The following ABCA7 variants were observed in gnomAD, a reference collection of about 807,000 sequenced individuals.
ABCA7 encodes ATP binding cassette subfamily A member 7.
Under a neutral mutation model 227.6 loss-of-function variants are expected in ABCA7, and 261 were observed. That is an observed-to-expected ratio of 1.15 (90% CI 1.04 to 1.27). The LOEUF (loss-of-function observed/expected upper bound fraction) is 1.27, where lower values mean the gene tolerates loss of function less well. ABCA7 is among the 50% of genes most tolerant of loss of function. The probability of loss-of-function intolerance (pLI) is 0.00; values close to 1 mark genes in which losing one functional copy is unlikely to be tolerated. For synonymous variants in ABCA7, 1,488 were observed against 1,279.7 expected, an observed-to-expected ratio of 1.16 and a Z score of -3.47; for missense variants, 3,331 against 2,924.5, an observed-to-expected ratio of 1.14 and a Z score of -3.21.
At position 1,043,182 on chromosome 19, in the gene ABCA7, T is replaced by TG; in HGVS notation, c.721_722insG (p.Tyr241Ter). Residue 241 changes from tyrosine (Y) to a stop codon, truncating the protein, a stop_gained and frameshift_variant, in exon 8 of 47, where the codon TAC (tyrosine) becomes TGAC (stop). Coordinates refer to ENST00000263094, the MANE Select transcript of ABCA7 (RefSeq NM_019112.4). LOFTEE classifies it high-confidence loss of function. ...SSTVGPSLNW[Y>*]EASDLMELVG... ...CACAGTGGGCCCCTCCCTCAACTGG[T>TG]ACGAGGCTAGTGACCTGATGGAGCT... The TG allele has an allele frequency of 6.2e-7, 1 of 1,610,456 alleles. No individual in the cohort carries two copies. The highest frequency in any genetic ancestry group is 8.5e-7 in the Non-Finnish European group (1 of 1,178,014).
intron 3 of ABCA7, 55 bp downstream of exon 3, chr19:1,041,658 C>A: frequency 1.9e-6 from 3 of 1,586,440 alleles, no homozygotes; most frequent in Middle Eastern, 3.4e-4. Context: ...GCAGATGGCT[C>A]ACCCGTGCAC....
chr19:1,041,180 GGAGCCTCTTTATC>G, intron 1 of ABCA7, 32 bp from the exon 2 acceptor site: 2 of 668,170 alleles, frequency 3.0e-6, no homozygotes, highest in Non-Finnish European at 5.3e-6. Flanking sequence ...CTGGGGTAGC[GGAGCCTCTTTATC>G]GAGTGACTAC....
Position 1,057,391 on chromosome 19 carries a change from C to T in ABCA7, c.4842C>T (p.Ala1614=). The change falls in exon 35 of 47, where the codon GCC becomes GCT. Residue 1614 remains alanine, a synonymous_variant. Coordinates refer to ENST00000263094, the MANE Select transcript of ABCA7 (RefSeq NM_019112.4). ...AGCAGAGGGCATATGTGGCCCCTGC[C>T]AACCTGCCTGCTCTCCTGCTGTTGC... ...AFQQRAYVAP[A]NLPALLLLLL... The T allele has an allele frequency of 2.5e-6, 4 of 1,613,912 alleles. No homozygotes were observed. The highest frequency in any genetic ancestry group is 3.4e-6 in the Non-Finnish European group (4 of 1,180,016).
chr19:1,047,936 C>T (rs1465774534), intron 16 of ABCA7, among the ~76,000 whole-genome samples: 1 of 152,204 alleles, frequency 6.6e-6, no homozygotes, highest in Non-Finnish European at 1.5e-5. Context: ...CGCTTGTAAT[C>T]CCAGCACTTT....
intron 3 of ABCA7, 28 bp downstream of exon 3, chr19:1,041,631 T>C: frequency 4.4e-6 from 7 of 1,605,800 alleles, no homozygotes; most frequent in Non-Finnish European, 5.9e-6. Flanking sequence ...CCAGGCACTT[T>C]GTGTGTGTAG....
rs58262414 is a variant in ABCA7 at position 1,043,261 on chromosome 19, T to G, written c.790+10T>G. 6.0e-3 allele frequency: 9,701 copies of G among 1,608,230 alleles called. 549 individuals are homozygous for G. The African/African-American group carries it at 0.12, about 19-fold the overall frequency. ...CCAGACAGCAGCCTGAGTGAGTGAC[T>G]GACCTCGGTTTCCCCTCTTGGGAAG... On this transcript the variant is annotated intron_variant, in intron 8 of 46. Coordinates refer to ENST00000263094, the MANE Select transcript of ABCA7 (RefSeq NM_019112.4).
At chr19:1,062,439 C>A (rs896916815) in intron 42 of ABCA7, 126 bp downstream of exon 42, 4 of 1,444,856 alleles carry the variant, frequency 2.8e-6, no homozygotes, top group Non-Finnish European at 3.7e-6. Context: ...GCCCCCAGAC[C>A]GTGCTTCCTT....
chr19:1,052,292 G>A lies in ABCA7; in HGVS notation c.3220+6G>A. 1 of 1,537,202 alleles carries A rather than the reference G, an allele frequency of 6.5e-7. No individual in the cohort carries two copies. The highest frequency in any genetic ancestry group is 8.7e-7 in the Non-Finnish European group (1 of 1,143,618). On this transcript the variant is annotated splice_donor_region_variant and intron_variant, in intron 23 of 46. Coordinates refer to ENST00000263094, the MANE Select transcript of ABCA7 (RefSeq NM_019112.4). ...CAGCCAGGGCAGCAGAGTCGGTGAG[G>A]GCCGGGGTGGGAGACCCAAGGCGGG...
chr19:1,064,224 C>T lies in ABCA7; in HGVS notation c.6015C>T (p.Cys2005=), dbSNP rs1340396327. The change falls in exon 45 of 47, where the codon TGC becomes TGT. Residue 2005 remains cysteine (C), a synonymous_variant. Coordinates refer to ENST00000263094, the MANE Select transcript of ABCA7 (RefSeq NM_019112.4). Reference sequence around the variant, plus strand: ...TCATGGTGAATGGGCGGTTCCGCTGCCTGGGCAGCCCGCAACATCTCAAGG... The same window carrying T: ...TCATGGTGAATGGGCGGTTCCGCTGTCTGGGCAGCCCGCAACATCTCAAGG... ...LAIMVNGRFR[C]LGSPQHLKGR... 5.7e-6 allele frequency: 9 copies of T among 1,568,656 alleles called. No homozygotes were observed. The East Asian group carries it at 2.1e-4, about 37-fold the overall frequency.
intron 16 of ABCA7, among the ~76,000 whole-genome samples, chr19:1,048,496 C>CAAAAAAAAAAAAA (rs1234415864): frequency 2.3e-4 from 5 of 21,628 alleles, no homozygotes; most frequent in African/African-American, 9.3e-4. Context: ...AACTCAGTCT[C>CAAAAAAAAAAAAA]AAAAAAAAAA....
intron 4 of ABCA7, 40 bp downstream of exon 4, chr19:1,042,012 G>C (rs764118325): frequency 1.1e-5 from 18 of 1,577,742 alleles, no homozygotes; most frequent in South Asian, 2.2e-5. Flanking sequence ...CTGCAAACTC[G>C]GGGCTGCAGT....
chr19:1,053,219 A>C, intron 23 of ABCA7, 110 bp from the exon 24 acceptor site: 1 of 1,183,768 alleles, frequency 8.4e-7, no homozygotes, highest in Middle Eastern at 2.9e-4. Context: ...CTTAACCCTG[A>C]TCTCTGTCTG....
intron 18 of ABCA7, among the ~76,000 whole-genome samples, 162 bp from the exon 19 acceptor site, chr19:1,050,759 A>T (rs776612124): frequency 6.7e-6 from 1 of 149,894 alleles, no homozygotes; most frequent in Non-Finnish European, 1.5e-5. Flanking sequence ...CAGCCTGGGC[A>T]ACAGAGTGAA....
chr19:1,064,270 T>A lies in ABCA7; in HGVS notation c.6044+17T>A. 6.5e-7 allele frequency: 1 copy of A among 1,545,358 alleles called. No homozygotes were observed. Among genetic ancestry groups the A allele is most frequent in the Non-Finnish European group, 8.7e-7 (1 of 1,146,008 alleles). ...CAAGGGCAGGTGAGCCGGCGCGGCC[T>A]CCAGGCAGGTGTGGGGTGAGGGTGG... On this transcript the variant is annotated intron_variant, in intron 45 of 46. Transcript: ENST00000263094.
rs372585006 is a variant in ABCA7, at chr19:1,046,974, T to C, written c.1795T>C (p.Cys599Arg). The C allele has an allele frequency of 5.7e-6, 9 of 1,583,976 alleles. No individual in the cohort carries two copies. In the African/African-American group the frequency reaches 1.1e-4, roughly 19 times the overall value. The change falls in exon 14 of 47, where the codon TGC becomes CGC. Residue 599 changes from cysteine (C) to arginine (R), a missense_variant. By Grantham distance (180) the Cys-to-Arg change is radical. Transcript: ENST00000263094. ...GCTCTGGCTAGGCTGGTTCCTCAGC[T>C]GCCTCGGGCCCTTCCTGCTCAGCGC... ...AVLWLGWFLS[C>R]LGPFLLSAAL... is the part of the protein sequence containing the mutation.
chr19:1,065,089 C>G lies in ABCA7; in HGVS notation c.6203C>G (p.Ala2068Gly). 6.3e-7 allele frequency: 1 copy of G among 1,575,196 alleles called. No homozygotes were observed. The highest frequency in any genetic ancestry group is 8.6e-7 in the Non-Finnish European group (1 of 1,161,458). The stretch of plus-strand genomic sequence containing the variant: ...CCGCCGGGAGGGCGCTGCGCCCTGG[C>G]GCGCGTCTTTGGAGAGCTGGCGGTG... ...QLPPGGRCAL[A>G]RVFGELAVHG... The change falls in exon 46 of 47, where the codon GCG becomes GGG. Residue 2068 changes from alanine to glycine, a missense_variant. By Grantham distance (60) the Ala-to-Gly change is moderately conservative (BLOSUM62 0). Transcript: ENST00000263094.
Position 1,053,988 on chromosome 19 carries a change from C to G in ABCA7, c.3473-18C>G. ...CCGTGACCCTCAACTTTGACCCTGA[C>G]CCCTGATGGCCCTGCAGATGGCAGC... On this transcript the variant is annotated intron_variant, in intron 25 of 46. Transcript: ENST00000263094. 2 of 1,612,754 alleles carry G rather than the reference C, an allele frequency of 1.2e-6. No homozygotes were observed. The highest frequency in any genetic ancestry group is 1.7e-6 in the Non-Finnish European group (2 of 1,179,490).
chr19:1,053,758 C>T, intron 24 of ABCA7, 30 bp from the exon 25 acceptor site: 2 of 1,600,906 alleles, frequency 1.2e-6, no homozygotes, highest in Non-Finnish European at 1.7e-6. Flanking sequence ...TGTCGGTGTC[C>T]AGTCTCTGAG....
At chr19:1,042,468 C>T (rs1186629838) in intron 6 of ABCA7, 71 bp downstream of exon 6, 3 of 1,571,204 alleles carry the variant, frequency 1.9e-6, no homozygotes, top group Non-Finnish European at 2.6e-6. Context: ...CACTGCCCCA[C>T]CCCGGGCCAA....
Sources: allele counts gnomAD v4.1 joint callset (sites outside exome capture counted in the v4.1 genomes callset), GRCh38; gene constraint gnomAD v4.1.1; transcripts MANE v1.5; gene names NCBI Gene and HGNC (gene_info 2026-07-23, HGNC 2026-07-21).